LRRTM4: variants seen among roughly 807,000 people sequenced by gnomAD.
LRRTM4 encodes the protein leucine-rich repeat transmembrane neuronal protein 4.
LRRTM4 carries 25 observed loss-of-function variants against 47.6 expected under a neutral mutation model. The ratio of observed to expected loss-of-function variants is 0.53; its 90% confidence interval spans 0.38 to 0.73. The LOEUF (loss-of-function observed/expected upper bound fraction) is 0.73. LRRTM4 is among the 30% of genes least tolerant of loss of function. The probability of loss-of-function intolerance (pLI) is 0.00; values close to 1 mark genes in which losing one functional copy is unlikely to be tolerated. For missense variants in LRRTM4, 638 were observed against 713.4 expected, an observed-to-expected ratio of 0.89 and a Z score of 1.20; for synonymous variants, 311 against 269.5, an observed-to-expected ratio of 1.15 and a Z score of -1.51.
intron 3 of LRRTM4, among the ~76,000 whole-genome samples, chr2:77,095,964 G>C (rs1467248320): frequency 6.6e-6 from 1 of 152,052 alleles, no homozygotes; most frequent in African/African-American, 2.4e-5. Flanking sequence ...ACTGCATGGT[G>C]ACCAGAGTTA....
At chr2:76,790,422 C>G (rs961060921) in intron 3 of LRRTM4, among the ~76,000 whole-genome samples, 17 of 152,140 alleles carry the variant, frequency 1.1e-4, no homozygotes, top group African/African-American at 2.7e-4. Flanking sequence ...CTCCTACTGC[C>G]TAGGTTGGAA....
At chr2:76,792,084 TTAAAATA>T (rs1219752967) in intron 3 of LRRTM4, among the ~76,000 whole-genome samples, 16 of 152,130 alleles carry the variant, frequency 1.1e-4, no homozygotes, top group Non-Finnish European at 2.9e-5. Context: ...GGCAGAATAC[TTAAAATA>T]TAAATGCCCA....
intron 3 of LRRTM4, among the ~76,000 whole-genome samples, chr2:77,090,704 C>T (rs189477790): frequency 2.4e-4 from 36 of 152,208 alleles, no homozygotes; most frequent in Admixed American, 2.1e-3. Flanking sequence ...GCCCAGGATT[C>T]CTCCTAAGTC....
intron 3 of LRRTM4, among the ~76,000 whole-genome samples, chr2:77,385,398 C>T (rs1476916333): frequency 6.6e-6 from 1 of 152,114 alleles, no homozygotes; most frequent in East Asian, 1.9e-4. Flanking sequence ...ATTTTCCAAG[C>T]AGATTCACTG....
intron 3 of LRRTM4, among the ~76,000 whole-genome samples, chr2:76,817,276 TATGTC>T (rs149798845): frequency 0.016 from 2,368 of 151,984 alleles, 48 homozygotes; most frequent in African/African-American, 0.05. Flanking sequence ...CAGGAAGTGA[TATGTC>T]ATGGGTAATA....
chr2:77,318,000 CT>C (rs61212194), intron 3 of LRRTM4, among the ~76,000 whole-genome samples: 1,719 of 99,720 alleles, frequency 0.017, 39 homozygotes, highest in African/African-American at 0.065. Flanking sequence ...ATTCCTAACA[CT>C]TTTTTTTTTT....
At chr2:77,434,584 T>C (rs964482404) in intron 3 of LRRTM4, among the ~76,000 whole-genome samples, 2 of 152,210 alleles carry the variant, frequency 1.3e-5, no homozygotes, top group Non-Finnish European at 2.9e-5. Context: ...CCACAATTGA[T>C]ACATCTTAAT....
At chr2:77,256,411 T>C (rs1338370311) in intron 3 of LRRTM4, among the ~76,000 whole-genome samples, 1 of 152,100 alleles carries the variant, frequency 6.6e-6, no homozygotes, top group Non-Finnish European at 1.5e-5. Flanking sequence ...CTCATATTGT[T>C]TTGCTATGCC....
chr2:77,375,410 G>C (rs1281892358), intron 3 of LRRTM4, among the ~76,000 whole-genome samples: 1 of 151,546 alleles, frequency 6.6e-6, no homozygotes, highest in Non-Finnish European at 1.5e-5. Context: ...AAGTTTCCTT[G>C]CACACCTTCT....
chr2:77,178,942 A>G (rs7355254), intron 3 of LRRTM4, among the ~76,000 whole-genome samples: 1,917 of 152,318 alleles, frequency 0.013, 45 homozygotes, highest in African/African-American at 0.044. Context: ...AGCCTCTCAA[A>G]TATTAATAAA....
chr2:77,470,574 T>C (rs774179317), intron 3 of LRRTM4, among the ~76,000 whole-genome samples: 3 of 152,108 alleles, frequency 2.0e-5, no homozygotes, highest in Non-Finnish European at 4.4e-5. Flanking sequence ...TCAGGTGCTA[T>C]GAGAAAGTTT....
chr2:77,285,340 T>TATATATATATATATATA (rs1676621332), intron 3 of LRRTM4, among the ~76,000 whole-genome samples: 20 of 82,604 alleles, frequency 2.4e-4, no homozygotes, highest in Non-Finnish European at 4.2e-4. Flanking sequence ...AGCATTAAAT[T>TATATATATATATATATA]TATATATATA....
At chr2:77,160,952 T>G (rs1306787894) in intron 3 of LRRTM4, among the ~76,000 whole-genome samples, 3 of 152,144 alleles carry the variant, frequency 2.0e-5, no homozygotes, top group Non-Finnish European at 4.4e-5. Flanking sequence ...CCTGTCCTAG[T>G]TCCATGGCAG....
At chr2:76,858,389 T>C (rs1672217836) in intron 3 of LRRTM4, among the ~76,000 whole-genome samples, 1 of 152,214 alleles carries the variant, frequency 6.6e-6, no homozygotes, top group Non-Finnish European at 1.5e-5. Context: ...TAGCTCTTCT[T>C]GGCTGCAGCC....
chr2:76,832,682 C>G (rs990975715), intron 3 of LRRTM4, among the ~76,000 whole-genome samples: 1 of 152,006 alleles, frequency 6.6e-6, no homozygotes, highest in Non-Finnish European at 1.5e-5. Flanking sequence ...ATTTCCATAA[C>G]TTGTCATGTT....
intron 3 of LRRTM4, among the ~76,000 whole-genome samples, chr2:76,759,420 G>A (rs1343431067): frequency 6.6e-6 from 1 of 152,070 alleles, no homozygotes; most frequent in Non-Finnish European, 1.5e-5. Flanking sequence ...TTACTATTCA[G>A]GTCATTTAGA....
At position 77,416,835 on chromosome 2, in the gene LRRTM4, G is replaced by C. The variant is rs1360555375; in HGVS notation, c.1551+101483C>G. Among the ~76,000 whole-genome samples, 8 of 152,152 alleles carry C rather than the reference G, an allele frequency of 5.3e-5. No individual in the cohort carries two copies. The South Asian group carries it at 1.0e-3, about 20-fold the overall frequency. On this transcript the variant is annotated intron_variant, in intron 3 of 3. Coordinates refer to ENST00000409884, the MANE Select transcript of LRRTM4 (RefSeq NM_001134745.3). ...AAATAAAGAGGTCCAGTAAAATACTGTAATATTTTATTTTTTTAGGTCTAT... is the reference window on the plus strand; with the variant it reads ...AAATAAAGAGGTCCAGTAAAATACTCTAATATTTTATTTTTTTAGGTCTAT...
At chr2:76,755,092 G>A (rs887937919) in intron 3 of LRRTM4, among the ~76,000 whole-genome samples, 6 of 152,066 alleles carry the variant, frequency 3.9e-5, no homozygotes, top group African/African-American at 1.4e-4. Context: ...TTACCAAAAA[G>A]GACTATATCA....
Position 77,250,985 on chromosome 2 carries a change from C to A in LRRTM4, c.1551+267333G>T, listed in dbSNP as rs138677066. Among the ~76,000 whole-genome samples the A allele has an allele frequency of 2.2e-4, 34 of 151,948 alleles. No individual in the cohort carries two copies. In the East Asian group the frequency reaches 6.0e-3, roughly 27 times the overall value. Reference sequence around the variant, plus strand: ...GGGCATGGTGGTGCATGCCTGTAATCCCAGTTATTTGGAAGGCTGAGGCAG... The same window carrying A: ...GGGCATGGTGGTGCATGCCTGTAATACCAGTTATTTGGAAGGCTGAGGCAG... On this transcript the variant is annotated intron_variant, in intron 3 of 3. Transcript: ENST00000409884.
Sources: allele counts gnomAD v4.1 joint callset (sites outside exome capture counted in the v4.1 genomes callset), GRCh38; gene constraint gnomAD v4.1.1; transcripts MANE v1.5; gene names NCBI Gene and HGNC (gene_info 2026-07-23, HGNC 2026-07-21).